Variants in CCDC138 observed in about 807,000 individuals in gnomAD.
CCDC138 encodes the protein coiled-coil domain containing 138.
In CCDC138, 66 loss-of-function variants were observed where a neutral mutation model predicts 82.3. The ratio of observed to expected loss-of-function variants is 0.80; its 90% CI spans 0.66 to 0.98. The LOEUF is 0.98. Ranked by LOEUF, CCDC138 falls within the 50% of genes least tolerant of loss-of-function variation. The pLI is 0.00. For synonymous variants in CCDC138, 297 were observed against 265.4 expected (o/e 1.12, Z -1.16); for missense variants, 816 against 758.9 (o/e 1.08, Z -0.88).
downstream of CCDC138, among the ~76,000 whole-genome samples, chr2:108,879,328 G>T (rs2105342473): frequency 6.6e-6 from 1 of 152,250 alleles, no homozygotes. Context: ...GCAAGTCCAG[G>T]TGTTTTACAA....
intron 10 of CCDC138, among the ~76,000 whole-genome samples, chr2:108,817,851 A>G (rs1420050656): frequency 1.3e-5 from 2 of 152,168 alleles, no homozygotes; most frequent in African/African-American, 4.8e-5. Context: ...AGTTTGTGGT[A>G]TTTGTTACGG....
intron 10 of CCDC138, among the ~76,000 whole-genome samples, chr2:108,821,915 C>T (rs1181042580): frequency 3.9e-5 from 5 of 127,254 alleles, no homozygotes; most frequent in Admixed American, 3.7e-4. Context: ...GCAACAAGAG[C>T]GAAACTTTGT....
At chr2:108,807,768 C>T (rs1223815342) in intron 7 of CCDC138, among the ~76,000 whole-genome samples, 1 of 152,132 alleles carries the variant, frequency 6.6e-6, no homozygotes, top group Non-Finnish European at 1.5e-5. Flanking sequence ...CAGGCGCCCA[C>T]CACCACACCT....
intron 5 of CCDC138, among the ~76,000 whole-genome samples, chr2:108,797,929 A>C (rs1681172855): frequency 6.6e-6 from 1 of 150,646 alleles, no homozygotes; most frequent in Non-Finnish European, 1.5e-5. Context: ...TGAGACCATG[A>C]ATTCGCAATG....
chr2:108,795,861 A>C (rs1680779301), intron 5 of CCDC138, among the ~76,000 whole-genome samples: 1 of 152,210 alleles, frequency 6.6e-6, no homozygotes, highest in South Asian at 2.1e-4. Context: ...ACAAGTTTTT[A>C]AGCAAAGGAA....
In CCDC138 at chr2:108,876,119, A is replaced by T. The variant is rs1445324230; in HGVS notation, c.1864A>T (p.Ile622Phe). Residue 622 changes from isoleucine (I) to phenylalanine (F), a missense_variant, in exon 15 of 15, where the codon ATT becomes TTT. By Grantham distance (21) the Ile-to-Phe change is conservative (BLOSUM62 0). Coordinates refer to ENST00000295124, the MANE Select transcript of CCDC138 (RefSeq NM_144978.3). ...TAAGAAGCTCTTTGAACTTTTTACG[A>T]TTCATCTGATGCTTCAAGAAATACA... ...SNKKLFELFT[I>F]HLMLQEIQRT... 6.2e-7 allele frequency: 1 copy of T among 1,603,818 alleles called. No homozygotes were observed.
At position 108,804,877 on chromosome 2, in the gene CCDC138, TTCTC is replaced by T. The variant is rs756522024; in HGVS notation, c.736-11_736-8del. On this transcript the variant is annotated splice_region_variant and splice_polypyrimidine_tract_variant and intron_variant, in intron 6 of 14. Transcript: ENST00000295124. ...CAAGTTTTAGATGAGAGTTTTTTTTTTCTCCTCCTAGCAGCATGATGCAGAAGTT... is the reference window on the plus strand; with the variant it reads ...CAAGTTTTAGATGAGAGTTTTTTTTTCTCCTAGCAGCATGATGCAGAAGTT... 20 of 1,501,712 alleles carry T rather than the reference TTCTC, an allele frequency of 1.3e-5. No homozygotes were observed. Among genetic ancestry groups the T allele is most frequent in the South Asian group, 9.9e-5 (7 of 70,562 alleles). The allele number at this position is 1,501,712 out of a possible 1,614,324, so 93.0% of individuals were successfully genotyped here. A position where few individuals can be genotyped will look rare whatever the true frequency, so the allele number is the denominator to read the frequency against.
intron 12 of CCDC138, among the ~76,000 whole-genome samples, chr2:108,853,942 AATATACAATAAAT>A (rs1310069584): frequency 2.4e-5 from 3 of 123,426 alleles, no homozygotes; most frequent in African/African-American, 9.4e-5. Flanking sequence ...ATTTATATAT[AATATACAATAAAT>A]ATATATAATA....
rs1256965962 is a variant in CCDC138, at chr2:108,788,088, A to G, written c.150A>G (p.Pro50=). The G allele has an allele frequency of 3.1e-6, 5 of 1,602,198 alleles. No individual in the cohort carries two copies. Among genetic ancestry groups the G allele is most frequent in the Non-Finnish European group, 4.3e-6 (5 of 1,176,096 alleles). Residue 50 remains proline, a splice_region_variant and synonymous_variant, in exon 2 of 15, where the codon CCA becomes CCG. Transcript: ENST00000295124. The part of the protein sequence containing the change: ...SKYKRRTLTS[P]GDLDIYSGDK... ...ATAAGAGAAGAACTCTAACCTCCCC[A>G]GGTAAGCCGGTATTTTGTATATTTG...
chr2:108,868,801 G>T (rs571777724), intron 13 of CCDC138, among the ~76,000 whole-genome samples: 1 of 151,792 alleles, frequency 6.6e-6, no homozygotes, highest in Admixed American at 6.6e-5. Flanking sequence ...AAAACTTGAA[G>T]AAAAAAAAGC....
At chr2:108,832,321 C>A (rs908135900) in intron 10 of CCDC138, among the ~76,000 whole-genome samples, 1 of 151,130 alleles carries the variant, frequency 6.6e-6, no homozygotes, top group African/African-American at 2.4e-5. Context: ...CCCACCACAC[C>A]TGGCCAGAAT....
chr2:108,812,571 C>T (rs1684051258), intron 7 of CCDC138, 60 bp from the exon 8 acceptor site: 1 of 1,259,634 alleles, frequency 7.9e-7, no homozygotes, highest in Non-Finnish European at 1.2e-6. Context: ...ATTGGGAAAC[C>T]CTTAGTATGA....
chr2:108,794,224 A>G (rs1234400710), intron 4 of CCDC138, among the ~76,000 whole-genome samples: 3 of 152,202 alleles, frequency 2.0e-5, no homozygotes, highest in Admixed American at 2.0e-4. Flanking sequence ...AGAGGGGAAC[A>G]TGATTAGGGG....
chr2:108,824,656 T>G (rs1206523882), intron 10 of CCDC138, among the ~76,000 whole-genome samples: 2 of 152,170 alleles, frequency 1.3e-5, no homozygotes, highest in Non-Finnish European at 2.9e-5. Context: ...AAGTATAGTG[T>G]AGCAAATATG....
rs1044508688 is a variant in CCDC138 at position 108,833,861 on chromosome 2, G to A, written c.1207-5324G>A. On this transcript the variant is annotated intron_variant, in intron 10 of 14. Coordinates refer to ENST00000295124, the MANE Select transcript of CCDC138 (RefSeq NM_144978.3). ...TCCTGCCTCAGCCTCCCGAGTAGCTGGGACTACAGGCGCCCGCTACCACGC... is the reference window on the plus strand; with the variant it reads ...TCCTGCCTCAGCCTCCCGAGTAGCTAGGACTACAGGCGCCCGCTACCACGC... Among the ~76,000 whole-genome samples, 3 of 148,938 alleles carry A rather than the reference G, an allele frequency of 2.0e-5. No individual in the cohort carries two copies. The South Asian group carries it at 6.4e-4, about 32-fold the overall frequency.
intron 1 of CCDC138, chr2:108,882,519 C>G (rs1459730077): frequency 2.0e-5 from 3 of 152,220 alleles, no homozygotes; most frequent in Non-Finnish European, 4.4e-5. Flanking sequence ...GAGGGCGTTA[C>G]TTGGCAAAGC....
At chr2:108,791,044 G>A (rs1162265140) in intron 3 of CCDC138, among the ~76,000 whole-genome samples, 1 of 152,092 alleles carries the variant, frequency 6.6e-6, no homozygotes, top group African/African-American at 2.4e-5. Context: ...TCACAGGCGT[G>A]AGCCACCATG....
chr2:108,803,877 A>G (rs1210859764), intron 6 of CCDC138, among the ~76,000 whole-genome samples: 1 of 152,210 alleles, frequency 6.6e-6, no homozygotes, highest in East Asian at 1.9e-4. Context: ...TGTTTTTAGT[A>G]TCTTTTAGAT....
intron 11 of CCDC138, among the ~76,000 whole-genome samples, chr2:108,841,559 C>A (rs925611730): frequency 2.6e-5 from 4 of 152,036 alleles, no homozygotes; most frequent in Admixed American, 6.6e-5. Context: ...AATATAGAGA[C>A]TTCTGGCTTC....
Sources: gnomAD v4.1 joint callset for allele counts (sites outside exome capture counted in the v4.1 genomes callset) on GRCh38, gnomAD v4.1.1 for gene constraint, MANE v1.5 for transcripts, NCBI Gene and HGNC (gene_info 2026-07-23, HGNC 2026-07-21) for gene names.